The following CNTN5 variants were observed in gnomAD, a reference collection of about 807,000 sequenced individuals.
The protein encoded by CNTN5 is contactin 5.
Under a neutral mutation model 129.1 loss-of-function variants are expected in CNTN5, and 77 were observed. That is an observed-to-expected ratio of 0.60 (90% CI 0.50 to 0.72). The LOEUF is 0.72. Among genes scored for constraint, CNTN5 ranks in the 30% least tolerant of loss-of-function variants. The pLI, the probability that CNTN5 is intolerant of heterozygous loss-of-function variation, is 0.00. For synonymous variants in CNTN5, 509 were observed against 465.6 expected (o/e 1.09, Z -1.20); for missense variants, 1,478 against 1,328.8 (o/e 1.11, Z -1.75).
intron 9 of CNTN5, among the ~76,000 whole-genome samples, chr11:100,048,335 G>A (rs1450047281): frequency 6.6e-6 from 1 of 152,052 alleles, no homozygotes; most frequent in Non-Finnish European, 1.5e-5. Context: ...GACTCAGACT[G>A]GATTACATCA....
intron 2 of CNTN5, among the ~76,000 whole-genome samples, chr11:99,389,239 G>T (rs987865179): frequency 1.3e-5 from 2 of 151,842 alleles, no homozygotes; most frequent in Non-Finnish European, 2.9e-5. Context: ...TGTTGACTAG[G>T]CTGGTCACAA....
intron 8 of CNTN5, among the ~76,000 whole-genome samples, chr11:99,968,248 C>A (rs548748341): frequency 6.6e-6 from 1 of 152,066 alleles, no homozygotes; most frequent in Non-Finnish European, 1.5e-5. Context: ...ATTGAGAATG[C>A]GTGTTGAAAG....
chr11:100,350,937 G>A (rs1245712453), intron 24 of CNTN5, 67 bp downstream of exon 24: 20 of 1,176,622 alleles, frequency 1.7e-5, no homozygotes, highest in Non-Finnish European at 2.1e-5. Flanking sequence ...TGAAAGTCAC[G>A]AAAATTGATG....
intron 1 of CNTN5, among the ~76,000 whole-genome samples, chr11:99,169,615 T>A (rs1861052180): frequency 6.6e-6 from 1 of 152,152 alleles, no homozygotes; most frequent in Non-Finnish European, 1.5e-5. Flanking sequence ...TACCACTGTC[T>A]TTTGCATCGG....
chr11:99,795,014 G>GT (rs1436677120), intron 3 of CNTN5, among the ~76,000 whole-genome samples: 1 of 152,170 alleles, frequency 6.6e-6, no homozygotes, highest in Non-Finnish European at 1.5e-5. Context: ...CCTCAAATAT[G>GT]TTTTTCAAGT....
chr11:99,252,377 A>T (rs762018194), intron 1 of CNTN5, among the ~76,000 whole-genome samples: 1 of 151,982 alleles, frequency 6.6e-6, no homozygotes, highest in Admixed American at 6.6e-5. Flanking sequence ...CCAAAATCAC[A>T]TCTCCAAATT....
chr11:100,271,018 TTAA>T, intron 17 of CNTN5, 71 bp from the exon 18 acceptor site: 1 of 1,216,996 alleles, frequency 8.2e-7, no homozygotes. Flanking sequence ...GTCAGTAGCA[TTAA>T]TATTCTTGAT....
chr11:100,328,168 T>C (rs558079229), intron 21 of CNTN5, among the ~76,000 whole-genome samples: 3 of 149,474 alleles, frequency 2.0e-5, no homozygotes, highest in South Asian at 4.3e-4. Flanking sequence ...CTAGGCAACA[T>C]AGCGAGACCA....
intron 4 of CNTN5, among the ~76,000 whole-genome samples, chr11:99,827,641 G>T (rs2135591465): frequency 6.6e-6 from 1 of 152,272 alleles, no homozygotes; most frequent in South Asian, 2.1e-4. Context: ...TTTTCATAGA[G>T]ACAAAGTGTA....
intron 2 of CNTN5, among the ~76,000 whole-genome samples, chr11:99,441,754 A>C (rs1169813681): frequency 1.3e-5 from 2 of 152,242 alleles, no homozygotes; most frequent in African/African-American, 4.8e-5. Context: ...CCATATTAGT[A>C]ACTCTAAAAC....
intron 9 of CNTN5, among the ~76,000 whole-genome samples, chr11:100,033,864 T>C (rs1941844404): frequency 6.6e-6 from 1 of 152,200 alleles, no homozygotes; most frequent in East Asian, 1.9e-4. Context: ...TTTCCAGAGA[T>C]AATTGAAAGT....
In CNTN5 at chr11:99,797,694, A is replaced by G. The variant is rs1007151893; in HGVS notation, c.56-21850A>G. Among the ~76,000 whole-genome samples the G allele has an allele frequency of 7.9e-5, 12 of 151,816 alleles. 1 individual carries two copies. Among genetic ancestry groups the G allele is most frequent in the Admixed American group, 2.6e-4 (4 of 15,226 alleles). On this transcript the variant is annotated intron_variant, in intron 3 of 24. Coordinates refer to ENST00000524871, the MANE Select transcript of CNTN5 (RefSeq NM_014361.4). ...TAGATATTAGATCTTCATCAGGTGCATTTTTTTGTGAGTATTTTCTCCCGT... is the reference window on the plus strand; with the variant it reads ...TAGATATTAGATCTTCATCAGGTGCGTTTTTTTGTGAGTATTTTCTCCCGT...
intron 6 of CNTN5, among the ~76,000 whole-genome samples, chr11:99,881,818 A>G (rs1354544194): frequency 2.6e-5 from 4 of 152,210 alleles, no homozygotes; most frequent in Non-Finnish European, 5.9e-5. Flanking sequence ...CTTGCAGTTT[A>G]TTCAGCCGAC....
chr11:99,376,781 C>T (rs186926757), intron 2 of CNTN5, among the ~76,000 whole-genome samples: 1 of 152,084 alleles, frequency 6.6e-6, no homozygotes, highest in African/African-American at 2.4e-5. Context: ...AAAAATAGCA[C>T]CTGGAATATG....
intron 13 of CNTN5, among the ~76,000 whole-genome samples, chr11:100,162,758 C>T (rs115811087): frequency 1.3e-5 from 2 of 151,804 alleles, no homozygotes; most frequent in Admixed American, 6.6e-5. Context: ...GGTGCAAATG[C>T]TTTTTCCCTC....
chr11:99,276,201 A>G (rs1238982212), intron 1 of CNTN5, among the ~76,000 whole-genome samples: 3 of 151,738 alleles, frequency 2.0e-5, no homozygotes, highest in Non-Finnish European at 4.4e-5. Flanking sequence ...TCTTGCTTCA[A>G]AGTTAAAACA....
chr11:99,250,911 T>G (rs1862066487), intron 1 of CNTN5, among the ~76,000 whole-genome samples: 1 of 151,974 alleles, frequency 6.6e-6, no homozygotes, highest in Non-Finnish European at 1.5e-5. Context: ...AGAAACAGAA[T>G]TTGAGGCACT....
intron 13 of CNTN5, among the ~76,000 whole-genome samples, chr11:100,163,147 T>A (rs772617637): frequency 2.8e-4 from 42 of 151,544 alleles, no homozygotes; most frequent in Non-Finnish European, 5.5e-4. Flanking sequence ...AACAAAAAAA[T>A]TGATATTTAG....
intron 1 of CNTN5, among the ~76,000 whole-genome samples, chr11:99,290,209 AG>A (rs1864111919): frequency 6.6e-6 from 1 of 151,872 alleles, no homozygotes; most frequent in Non-Finnish European, 1.5e-5. Context: ...AAATTGAAGA[AG>A]AAATTGGTGT....
Sources: gnomAD v4.1 joint callset for allele counts (sites outside exome capture counted in the v4.1 genomes callset) on GRCh38, gnomAD v4.1.1 for gene constraint, MANE v1.5 for transcripts, NCBI Gene and HGNC (gene_info 2026-07-23, HGNC 2026-07-21) for gene names.